Variants in CPED1 observed in about 807,000 individuals in gnomAD.
CPED1 encodes the protein cadherin-like and PC-esterase domain-containing protein 1.
A neutral mutation model predicts 128.2 loss-of-function variants in CPED1; 114 were observed. The ratio of observed to expected loss-of-function variants is 0.89; its 90% CI spans 0.76 to 1.04. The LOEUF is 1.04. Ranked by LOEUF, CPED1 falls within the 50% of genes least tolerant of loss-of-function variation. CPED1 has a pLI of 0.00. For synonymous variants in CPED1, 462 were observed against 426.7 expected (o/e 1.08, Z -1.02); for missense variants, 1,211 against 1,207.1 (o/e 1.00, Z -0.05).
intron 7 of CPED1, among the ~76,000 whole-genome samples, chr7:121,123,415 C>G (rs1018845640): frequency 1.3e-5 from 2 of 151,868 alleles, no homozygotes; most frequent in African/African-American, 4.8e-5. Context: ...GTCTGTTTTT[C>G]CAAAAAACAT....
At chr7:121,039,193 T>G (rs1792980310) in intron 3 of CPED1, among the ~76,000 whole-genome samples, 1 of 152,096 alleles carries the variant, frequency 6.6e-6, no homozygotes, top group African/African-American at 2.4e-5. Flanking sequence ...AGTCAGTTAT[T>G]TGCACCATTA....
intron 3 of CPED1, among the ~76,000 whole-genome samples, chr7:121,040,262 T>C (rs1233493663): frequency 1.3e-5 from 2 of 152,122 alleles, no homozygotes; most frequent in African/African-American, 4.8e-5. Context: ...TTCTCTTAAA[T>C]TTAATTCTGA....
chr7:121,024,784 A>G (rs1792532720), intron 3 of CPED1, among the ~76,000 whole-genome samples: 1 of 152,180 alleles, frequency 6.6e-6, no homozygotes, highest in East Asian at 1.9e-4. Flanking sequence ...TTTAATTTGT[A>G]AAAACACATA....
intron 5 of CPED1, among the ~76,000 whole-genome samples, chr7:121,094,593 T>A (rs1430590781): frequency 6.6e-6 from 1 of 152,190 alleles, no homozygotes; most frequent in African/African-American, 2.4e-5. Context: ...CTTATTTTAG[T>A]CAGTATAGTG....
chr7:121,006,960 C>T (rs1792031528), intron 2 of CPED1, among the ~76,000 whole-genome samples: 1 of 152,056 alleles, frequency 6.6e-6, no homozygotes, highest in South Asian at 2.1e-4. Flanking sequence ...AACGAATGAG[C>T]ATTCCAGGGG....
intron 5 of CPED1, among the ~76,000 whole-genome samples, chr7:121,093,951 T>C (rs1013406235): frequency 1.3e-5 from 2 of 152,162 alleles, no homozygotes; most frequent in Non-Finnish European, 2.9e-5. Flanking sequence ...TGCTGTCTTC[T>C]GGGGCCCTGA....
rs762487994 is a variant in CPED1, at chr7:121,186,294, G to A, written c.2055+44153G>A. On this transcript the variant is annotated intron_variant, in intron 16 of 22. Transcript: ENST00000310396. ...CTTGCAAATTACCTAAACATTGTAT[G>A]CATGGGAATTTATAGAAAGCTGCTT... Among the ~76,000 whole-genome samples, 53 of 152,044 alleles carry A rather than the reference G, an allele frequency of 3.5e-4. 1 individual carries two copies. Among genetic ancestry groups the A allele is most frequent in the Non-Finnish European group, 6.8e-4 (46 of 67,978 alleles).
intron 22 of CPED1, 24 bp from the exon 23 acceptor site, chr7:121,295,416 A>C: frequency 6.3e-7 from 1 of 1,595,114 alleles, no homozygotes; most frequent in Non-Finnish European, 8.5e-7. Context: ...TTTGCCTCAC[A>C]GTTTTCTTGC....
At chr7:120,997,608 C>T (rs1796428848) in intron 2 of CPED1, among the ~76,000 whole-genome samples, 1 of 152,078 alleles carries the variant, frequency 6.6e-6, no homozygotes, top group African/African-American at 2.4e-5. Flanking sequence ...GGCCCCTAAT[C>T]CAATATGACT....
chr7:121,075,117 G>C (rs1036886413), intron 5 of CPED1, among the ~76,000 whole-genome samples: 7 of 152,128 alleles, frequency 4.6e-5, no homozygotes, highest in African/African-American at 1.2e-4. Context: ...CTTTGTATGA[G>C]TCCTACGGTG....
At chr7:121,237,918 G>A (rs999004217) in intron 17 of CPED1, among the ~76,000 whole-genome samples, 1 of 152,156 alleles carries the variant, frequency 6.6e-6, no homozygotes, top group Non-Finnish European at 1.5e-5. Context: ...CCATTATGGT[G>A]TGTCAGGTGG....
chr7:121,066,646 T>TC (rs1209535319), intron 5 of CPED1, among the ~76,000 whole-genome samples: 4 of 152,118 alleles, frequency 2.6e-5, no homozygotes, highest in Non-Finnish European at 5.9e-5. Flanking sequence ...TCAACCTGTC[T>TC]CAGTTTCATG....
intron 18 of CPED1, among the ~76,000 whole-genome samples, chr7:121,251,914 A>G (rs1366455367): frequency 6.6e-6 from 1 of 151,822 alleles, no homozygotes. Flanking sequence ...ATTCAATGCC[A>G]TCCCCATCAA....
chr7:121,048,391 CA>C (rs1793268635), intron 4 of CPED1, among the ~76,000 whole-genome samples: 1 of 152,282 alleles, frequency 6.6e-6, no homozygotes, highest in South Asian at 2.1e-4. Flanking sequence ...TGTCATCTCC[CA>C]AGATAGAAAT....
At chr7:121,230,420 A>T (rs1314043123) in intron 16 of CPED1, among the ~76,000 whole-genome samples, 2 of 152,116 alleles carry the variant, frequency 1.3e-5, no homozygotes, top group Non-Finnish European at 2.9e-5. Context: ...GAGTAACAGC[A>T]AACCTGACTA....
At chr7:121,290,022 G>T (rs184913954) in intron 22 of CPED1, among the ~76,000 whole-genome samples, 1 of 151,958 alleles carries the variant, frequency 6.6e-6, no homozygotes, top group Non-Finnish European at 1.5e-5. Context: ...TGTTCTCATC[G>T]TTCAACTCCC....
intron 16 of CPED1, among the ~76,000 whole-genome samples, chr7:121,221,010 G>C (rs1797863036): frequency 6.6e-6 from 1 of 151,886 alleles, no homozygotes; most frequent in Non-Finnish European, 1.5e-5. Context: ...GGGTATAAGT[G>C]CACAACATGC....
chr7:121,097,574 T>C, intron 5 of CPED1, 125 bp from the exon 6 acceptor site: 1 of 1,040,796 alleles, frequency 9.6e-7, no homozygotes, highest in South Asian at 1.6e-5. Context: ...TGATTCAGAA[T>C]GGGGAGAAAA....
intron 22 of CPED1, among the ~76,000 whole-genome samples, chr7:121,288,345 C>A (rs2116785105): frequency 6.6e-6 from 1 of 152,276 alleles, no homozygotes; most frequent in African/African-American, 2.4e-5. Context: ...CAGCCACTGG[C>A]CTGGGCATGA....
Sources: gnomAD v4.1 joint callset for allele counts (sites outside exome capture counted in the v4.1 genomes callset) on GRCh38, gnomAD v4.1.1 for gene constraint, MANE v1.5 for transcripts, NCBI Gene and HGNC (gene_info 2026-07-23, HGNC 2026-07-21) for gene names.